The following ADAMTS17 variants were observed in gnomAD, a reference collection of about 807,000 sequenced individuals.
The protein encoded by ADAMTS17 is ADAM metallopeptidase with thrombospondin type 1 motif 17, also known as A disintegrin and metalloproteinase with thrombospondin motifs 17.
A neutral mutation model predicts 141.5 loss-of-function variants in ADAMTS17; 113 were observed. The ratio of observed to expected loss-of-function variants is 0.80; its 90% CI spans 0.69 to 0.93. The LOEUF is 0.93. Among genes scored for constraint, ADAMTS17 ranks in the 40% least tolerant of loss-of-function variants. The probability of loss-of-function intolerance (pLI) is 0.00; values close to 1 mark genes in which losing one functional copy is unlikely to be tolerated. For synonymous variants in ADAMTS17, 768 were observed against 630.6 expected, an observed-to-expected ratio of 1.22 and a Z score of -3.27; for missense variants, 1,659 against 1,517.9, an observed-to-expected ratio of 1.09 and a Z score of -1.54.
chr15:100,160,615 T>C (rs1022772877), intron 8 of ADAMTS17, among the ~76,000 whole-genome samples: 2 of 152,222 alleles, frequency 1.3e-5, no homozygotes, highest in East Asian at 1.9e-4. Flanking sequence ...GGCTGTGCTG[T>C]TGGCAACTCC....
chr15:100,294,701 T>G (rs183340988), intron 3 of ADAMTS17, among the ~76,000 whole-genome samples: 1 of 152,290 alleles, frequency 6.6e-6, no homozygotes, highest in African/African-American at 2.4e-5. Flanking sequence ...AGCAAGACCC[T>G]ACCTCAAAAT....
At chr15:100,300,540 G>T (rs1332132845) in intron 3 of ADAMTS17, among the ~76,000 whole-genome samples, 3 of 152,236 alleles carry the variant, frequency 2.0e-5, no homozygotes, top group African/African-American at 7.2e-5. Flanking sequence ...AGCCAGGTCA[G>T]CCATTTCTTG....
intron 18 of ADAMTS17, among the ~76,000 whole-genome samples, chr15:100,038,891 C>T (rs550810169): frequency 6.6e-6 from 1 of 152,300 alleles, no homozygotes; most frequent in East Asian, 1.9e-4. Flanking sequence ...TGTCTTGCTC[C>T]TGATCTTTGG....
At chr15:100,135,162 G>C (rs1164181681) in intron 10 of ADAMTS17, among the ~76,000 whole-genome samples, 1 of 152,038 alleles carries the variant, frequency 6.6e-6, no homozygotes, top group Non-Finnish European at 1.5e-5. Context: ...GCTTTCTCAT[G>C]AAACTTTTCT....
intron 15 of ADAMTS17, among the ~76,000 whole-genome samples, chr15:100,075,523 G>A (rs976246374): frequency 6.6e-6 from 1 of 152,196 alleles, no homozygotes; most frequent in Non-Finnish European, 1.5e-5. Flanking sequence ...ATGTGACCGT[G>A]GAGAAGTCTG....
At chr15:100,010,409 G>A (rs559040466) in intron 18 of ADAMTS17, among the ~76,000 whole-genome samples, 5 of 152,314 alleles carry the variant, frequency 3.3e-5, no homozygotes, top group Admixed American at 2.6e-4. Context: ...CCTTCTCTCC[G>A]TGGTGCAGGA....
chr15:100,169,398 T>G (rs1250916688), intron 8 of ADAMTS17, among the ~76,000 whole-genome samples: 1 of 152,174 alleles, frequency 6.6e-6, no homozygotes, highest in African/African-American at 2.4e-5. Flanking sequence ...CAAGGGGCAC[T>G]CATGCCCACC....
intron 18 of ADAMTS17, among the ~76,000 whole-genome samples, chr15:99,999,953 T>C (rs994618152): frequency 6.6e-5 from 10 of 152,188 alleles, no homozygotes; most frequent in African/African-American, 2.4e-4. Flanking sequence ...CTCAGGCTTC[T>C]GGGGCCTAAC....
At chr15:100,255,621 C>CACACACACACACACACACACAG in intron 6 of ADAMTS17, among the ~76,000 whole-genome samples, 1 of 151,564 alleles carries the variant, frequency 6.6e-6, no homozygotes, top group Non-Finnish European at 1.5e-5. Flanking sequence ...TTGAGCAACA[C>CACACACACACACACACACACAG]ACACACACAC....
chr15:100,189,255 A>C (rs1324062734), intron 8 of ADAMTS17, among the ~76,000 whole-genome samples: 1 of 152,212 alleles, frequency 6.6e-6, no homozygotes, highest in African/African-American at 2.4e-5. Context: ...GGGATGTAGG[A>C]GTTTTAGGTG....
chr15:100,226,428 G>C (rs2042315581), intron 7 of ADAMTS17, among the ~76,000 whole-genome samples: 1 of 152,264 alleles, frequency 6.6e-6, no homozygotes, highest in African/African-American at 2.4e-5. Flanking sequence ...ATCAGATGTG[G>C]TTTTGAGGGA....
intron 15 of ADAMTS17, chr15:100,073,950 G>C (rs2034180681): frequency 6.6e-6 from 1 of 151,946 alleles, no homozygotes; most frequent in Non-Finnish European, 1.5e-5. Flanking sequence ...TATTAATTTT[G>C]TACCCAACTT....
intron 15 of ADAMTS17, among the ~76,000 whole-genome samples, chr15:100,056,525 A>G (rs766074972): frequency 6.6e-6 from 1 of 152,106 alleles, no homozygotes; most frequent in Middle Eastern, 3.2e-3. Flanking sequence ...GGCATGCACA[A>G]CCCAGATCCC....
In ADAMTS17 at chr15:100,072,179, C is replaced by T. The variant is rs1416652409; in HGVS notation, c.2138-18125G>A. Among the ~76,000 whole-genome samples the T allele has an allele frequency of 1.3e-5, 2 of 149,066 alleles. 1 individual carries two copies. The highest frequency in any genetic ancestry group is 6.9e-3 in the Middle Eastern group (2 of 290). ...CAATTGCTTCAAAGAGAATAAAATACCTAGGAATCCAACTTACAAGGGATG... is the reference window on the plus strand; with the variant it reads ...CAATTGCTTCAAAGAGAATAAAATATCTAGGAATCCAACTTACAAGGGATG... On this transcript the variant is annotated intron_variant, in intron 15 of 21. Transcript: ENST00000268070.
intron 19 of ADAMTS17, among the ~76,000 whole-genome samples, chr15:99,996,124 G>A (rs1328057321): frequency 2.0e-5 from 3 of 150,450 alleles, no homozygotes; most frequent in Non-Finnish European, 4.4e-5. Flanking sequence ...GCGCAATCTC[G>A]GCTCACTGCA....
chr15:100,218,139 C>G (rs1254008129), intron 7 of ADAMTS17, among the ~76,000 whole-genome samples: 2 of 152,208 alleles, frequency 1.3e-5, no homozygotes, highest in African/African-American at 4.8e-5. Context: ...TCCCAAAGGG[C>G]TGGGACTGCA....
intron 3 of ADAMTS17, among the ~76,000 whole-genome samples, chr15:100,288,118 C>A (rs1225146235): frequency 6.6e-6 from 1 of 152,216 alleles, no homozygotes; most frequent in Non-Finnish European, 1.5e-5. Flanking sequence ...AGAGACCCAT[C>A]TCACATGCAG....
At chr15:100,255,113 G>C (rs2043281204) in intron 6 of ADAMTS17, among the ~76,000 whole-genome samples, 3 of 152,210 alleles carry the variant, frequency 2.0e-5, no homozygotes, top group African/African-American at 7.2e-5. Flanking sequence ...ACCTGGTCCA[G>C]CCCTGGTTCT....
At chr15:100,010,896 A>G (rs978014117) in intron 18 of ADAMTS17, among the ~76,000 whole-genome samples, 4 of 152,134 alleles carry the variant, frequency 2.6e-5, no homozygotes, top group African/African-American at 7.2e-5. Flanking sequence ...GAGTTCTCAT[A>G]TACATTTCCC....
Sources: allele counts gnomAD v4.1 joint callset (sites outside exome capture counted in the v4.1 genomes callset), GRCh38; gene constraint gnomAD v4.1.1; transcripts MANE v1.5; gene names NCBI Gene and HGNC (gene_info 2026-07-23, HGNC 2026-07-21).